WDFY1: variants seen among roughly 807,000 people sequenced by gnomAD.
WDFY1 encodes WD repeat and FYVE domain-containing protein 1.
A neutral mutation model predicts 56.4 loss-of-function variants in WDFY1; 32 were observed. The ratio of observed to expected loss-of-function variants is 0.57; its 90% CI spans 0.43 to 0.76. The LOEUF is 0.76. Among genes scored for constraint, WDFY1 ranks in the 30% least tolerant of loss-of-function variants. WDFY1 has a pLI of 0.00. For synonymous variants in WDFY1, 192 were observed against 197.3 expected (o/e 0.97, Z 0.23); for missense variants, 480 against 545.7 (o/e 0.88, Z 1.20).
chr2:223,936,739 T>C (rs1283887836), intron 1 of WDFY1, among the ~76,000 whole-genome samples: 4 of 152,194 alleles, frequency 2.6e-5, no homozygotes, highest in African/African-American at 9.7e-5. Flanking sequence ...GTATAAAATA[T>C]GTGGTTTATG....
intron 2 of WDFY1, among the ~76,000 whole-genome samples, chr2:223,913,833 G>GA (rs1279003876): frequency 2.0e-5 from 3 of 150,432 alleles, no homozygotes; most frequent in Admixed American, 6.6e-5. Context: ...ATTTCAAAAA[G>GA]AAAAAAAAGG....
intron 1 of WDFY1, among the ~76,000 whole-genome samples, chr2:223,926,155 A>T (rs889043959): frequency 8.5e-5 from 13 of 152,188 alleles, no homozygotes; most frequent in Non-Finnish European, 1.6e-4. Flanking sequence ...TTATAAAAAA[A>T]TTTTCTTTTG....
intron 3 of WDFY1, among the ~76,000 whole-genome samples, chr2:223,907,511 GAAC>G (rs1693617476): frequency 6.6e-6 from 1 of 152,066 alleles, no homozygotes; most frequent in Non-Finnish European, 1.5e-5. Context: ...CCTTTCCATT[GAAC>G]AACTGTAACA....
chr2:223,894,245 T>C lies in WDFY1; in HGVS notation c.820A>G (p.Ser274Gly), dbSNP rs749129648. The change falls in exon 8 of 12, where the codon AGC becomes GGC. Residue 274 changes from serine (S) to glycine (G), a missense_variant. Physicochemically the swap from Ser to Gly is moderately conservative, Grantham distance 56. Coordinates refer to ENST00000233055, the MANE Select transcript of WDFY1 (RefSeq NM_020830.5). Reference protein sequence around the residue: ...GGIAVWNMDVSREEAPQWLES... With the variant: ...GGIAVWNMDVGREEAPQWLES... ...CCCTTGTCTCTTACCTCTTCTCTGC[T>C]AACATCCATGTTCCACACTGCAATT... 3 of 1,614,152 alleles carry C rather than the reference T, an allele frequency of 1.9e-6. No individual in the cohort carries two copies. Among genetic ancestry groups the C allele is most frequent in the East Asian group, 2.2e-5 (1 of 44,876 alleles).
In WDFY1 at chr2:223,895,544, C is replaced by G. The variant is rs577396796; in HGVS notation, c.685G>C (p.Gly229Arg). The G allele has an allele frequency of 6.2e-7, 1 of 1,614,020 alleles. No homozygotes were observed. Among genetic ancestry groups the G allele is most frequent in the Non-Finnish European group, 8.5e-7 (1 of 1,179,974 alleles). ...AACAGCGTCCGGCCTTTCCTTCCTCCGATGTCCCACATGATGATGCTGTTG... is the reference window on the plus strand; with the variant it reads ...AACAGCGTCCGGCCTTTCCTTCCTCGGATGTCCCACATGATGATGCTGTTG... The part of the protein sequence containing the change: ...SDNSIIMWDI[G>R]GRKGRTLLLQ... Residue 229 changes from glycine (G) to arginine (R), a missense_variant, in exon 7 of 12, where the codon GGA (glycine) becomes CGA (arginine). By Grantham distance (125) the Gly-to-Arg change is moderately radical. Transcript: ENST00000233055.
chr2:223,913,687 A>C (rs1229592314), intron 2 of WDFY1, among the ~76,000 whole-genome samples: 2 of 152,172 alleles, frequency 1.3e-5, no homozygotes, highest in African/African-American at 4.8e-5. Flanking sequence ...GCTGGCACTA[A>C]ATGCATTAGT....
At chr2:223,904,565 T>A (rs958388541) in intron 4 of WDFY1, among the ~76,000 whole-genome samples, 1 of 152,164 alleles carries the variant, frequency 6.6e-6, no homozygotes, top group African/African-American at 2.4e-5. Context: ...TTTTCTCCTA[T>A]TTTAAATTTG....
At chr2:223,896,974 A>C (rs1290271641) in intron 6 of WDFY1, among the ~76,000 whole-genome samples, 1 of 152,138 alleles carries the variant, frequency 6.6e-6, no homozygotes, top group African/African-American at 2.4e-5. Flanking sequence ...TCATGAGAGA[A>C]TTAGTCATAA....
chr2:223,923,875 C>T (rs891551200), intron 1 of WDFY1, among the ~76,000 whole-genome samples: 1 of 152,208 alleles, frequency 6.6e-6, no homozygotes, highest in African/African-American at 2.4e-5. Context: ...CTAAACCACT[C>T]TCTCCACTAA....
intron 11 of WDFY1, among the ~76,000 whole-genome samples, 191 bp from the exon 12 acceptor site, chr2:223,878,921 C>T (rs1423363934): frequency 5.9e-5 from 9 of 152,256 alleles, no homozygotes; most frequent in African/African-American, 9.6e-5. Context: ...CGGTGGCTCA[C>T]GCCTGTAATC....
intron 1 of WDFY1, among the ~76,000 whole-genome samples, chr2:223,929,307 C>A (rs1444537696): frequency 1.3e-5 from 2 of 151,746 alleles, no homozygotes; most frequent in Non-Finnish European, 2.9e-5. Flanking sequence ...CCTGCCTCAG[C>A]CCCGCTAGTA....
chr2:223,900,201 G>A (rs920124705), intron 5 of WDFY1, among the ~76,000 whole-genome samples: 1 of 152,182 alleles, frequency 6.6e-6, no homozygotes, highest in Non-Finnish European at 1.5e-5. Context: ...GGCATGAACT[G>A]TGATTCTGTG....
intron 1 of WDFY1, among the ~76,000 whole-genome samples, chr2:223,942,257 T>G (rs544715050): frequency 6.6e-6 from 1 of 152,036 alleles, no homozygotes; most frequent in Non-Finnish European, 1.5e-5. Context: ...TCTGGCTCTA[T>G]CGCCCAGGCT....
chr2:223,930,187 A>C (rs1694050332), intron 1 of WDFY1, among the ~76,000 whole-genome samples: 1 of 152,220 alleles, frequency 6.6e-6, no homozygotes, highest in African/African-American at 2.4e-5. Flanking sequence ...ATCTAGCTAC[A>C]GCGTGCGATA....
chr2:223,900,521 T>G (rs569551642), intron 5 of WDFY1, among the ~76,000 whole-genome samples: 11 of 152,232 alleles, frequency 7.2e-5, no homozygotes, highest in Non-Finnish European at 1.0e-4. Flanking sequence ...AAGGGCGAGC[T>G]CTACATGAAG....
chr2:223,901,375 A>C, intron 4 of WDFY1, 42 bp from the exon 5 acceptor site: 8 of 1,610,262 alleles, frequency 5.0e-6, no homozygotes, highest in Non-Finnish European at 6.8e-6. Flanking sequence ...CTCCAGAAAC[A>C]GCACTCTATG....
intron 7 of WDFY1, among the ~76,000 whole-genome samples, chr2:223,894,850 T>C (rs1265683464): frequency 1.3e-5 from 2 of 152,170 alleles, no homozygotes; most frequent in African/African-American, 2.4e-5. Flanking sequence ...GGAAACAAGC[T>C]CTTGGCCTGT....
chr2:223,921,694 G>A (rs1693888462), intron 1 of WDFY1, among the ~76,000 whole-genome samples: 1 of 151,952 alleles, frequency 6.6e-6, no homozygotes, highest in Non-Finnish European at 1.5e-5. Context: ...GGGCTCAAGC[G>A]ATCCTCCCAC....
chr2:223,897,530 C>T (rs1693414643), intron 6 of WDFY1, among the ~76,000 whole-genome samples: 1 of 151,630 alleles, frequency 6.6e-6, no homozygotes, highest in African/African-American at 2.4e-5. Context: ...CAGGCACCTG[C>T]CAACGTCCAG....
Sources: allele counts gnomAD v4.1 joint callset (sites outside exome capture counted in the v4.1 genomes callset), GRCh38; gene constraint gnomAD v4.1.1; transcripts MANE v1.5; gene names NCBI Gene and HGNC (gene_info 2026-07-23, HGNC 2026-07-21).